PDS5B: variants seen among roughly 807,000 people sequenced by gnomAD.
PDS5B encodes sister chromatid cohesion protein PDS5 homolog B.
Under a neutral mutation model 184.1 loss-of-function variants are expected in PDS5B, and 51 were observed. That is an observed-to-expected ratio of 0.28 (90% CI 0.22 to 0.35). The LOEUF is 0.35. PDS5B is among the 10% of genes least tolerant of loss of function. The pLI is 1.00. For missense variants in PDS5B, 1,180 were observed against 1,723.3 expected, an observed-to-expected ratio of 0.68 and a Z score of 5.58; for synonymous variants, 566 against 569.2, an observed-to-expected ratio of 0.99 and a Z score of 0.08.
chr13:32,731,991 C>T, intron 19 of PDS5B, 110 bp from the exon 20 acceptor site: 2 of 872,902 alleles, frequency 2.3e-6, no homozygotes, highest in Admixed American at 3.2e-5. Context: ...ATCTTGGTGA[C>T]TTTTTCTGAC....
At chr13:32,675,781 TG>T in intron 8 of PDS5B, 62 bp from the exon 9 acceptor site, 1 of 887,174 alleles carries the variant, frequency 1.1e-6, no homozygotes, top group Non-Finnish European at 1.8e-6. Flanking sequence ...TGGCAAAGAA[TG>T]GGCAGCCTTA....
At chr13:32,736,507 C>G (rs754861682) in intron 21 of PDS5B, among the ~76,000 whole-genome samples, 1 of 151,904 alleles carries the variant, frequency 6.6e-6, no homozygotes, top group African/African-American at 2.4e-5. Context: ...CTCTGAAGGT[C>G]TTCTGTCTGT....
chr13:32,679,007 A>G (rs199860513), intron 10 of PDS5B, 78 bp downstream of exon 10: 4 of 611,488 alleles, frequency 6.5e-6, no homozygotes, highest in South Asian at 6.5e-5. Context: ...GGGAAAAAAA[A>G]CCCCTTTTTT....
At chr13:32,758,292 G>C in intron 27 of PDS5B, 73 bp downstream of exon 27, 1 of 1,227,212 alleles carries the variant, frequency 8.1e-7, no homozygotes, top group Non-Finnish European at 1.1e-6. Flanking sequence ...TGAAACTTCT[G>C]TAGTATTTAT....
intron 25 of PDS5B, among the ~76,000 whole-genome samples, chr13:32,754,346 C>T (rs1954095297): frequency 2.0e-5 from 3 of 152,100 alleles, no homozygotes; most frequent in African/African-American, 7.2e-5. Flanking sequence ...TTATAGTTTG[C>T]TCTCAGCCTG....
At chr13:32,712,613 T>C (rs1428914730) in intron 19 of PDS5B, among the ~76,000 whole-genome samples, 1 of 152,212 alleles carries the variant, frequency 6.6e-6, no homozygotes, top group African/African-American at 2.4e-5. Context: ...GATGTGCCCT[T>C]AAGACTCTAT....
intron 6 of PDS5B, among the ~76,000 whole-genome samples, chr13:32,661,698 T>C (rs1001898494): frequency 1.3e-4 from 19 of 150,642 alleles, no homozygotes; most frequent in African/African-American, 4.1e-4. Flanking sequence ...AAAAAAAAAA[T>C]AAAAAGAGGA....
At position 32,760,671 on chromosome 13, in the gene PDS5B, A is replaced by T; in HGVS notation, c.3469A>T (p.Asn1157Tyr). ...ATCATCACGAATGGAAACTGTAAGC[A>T]ATGCAAGCAGCAGCTCAAATCCAAG... ...TKSSRMETVS[N>Y]ASSSSNPSSP... Residue 1157 changes from asparagine to tyrosine, a missense_variant, in exon 30 of 35, where the codon AAT (asparagine) becomes TAT (tyrosine). Physicochemically the swap from Asn to Tyr is moderately radical, Grantham distance 143. Around this residue, in one of 11 missense-constraint regions of PDS5B, gnomAD observed 465 missense variants for 497.8 expected, o/e 0.93. Transcript: ENST00000315596. 5 of 1,614,114 alleles carry T rather than the reference A, an allele frequency of 3.1e-6. No individual in the cohort carries two copies. The highest frequency in any genetic ancestry group is 4.2e-6 in the Non-Finnish European group (5 of 1,179,974).
intron 24 of PDS5B, among the ~76,000 whole-genome samples, chr13:32,747,812 C>T (rs1419436843): frequency 6.6e-6 from 1 of 152,098 alleles, no homozygotes; most frequent in Non-Finnish European, 1.5e-5. Flanking sequence ...TTGCTGCTAT[C>T]ATTATTGAAG....
rs979639483 is a variant in PDS5B at position 32,725,741 on chromosome 13, A to G, written c.2124-6360A>G. On this transcript the variant is annotated intron_variant, in intron 19 of 34. Transcript: ENST00000315596. ...TTTTCCCTCATGGCACAGGATAACAACACTATAATATTACATAATAACTCA... is the reference window on the plus strand; with the variant it reads ...TTTTCCCTCATGGCACAGGATAACAGCACTATAATATTACATAATAACTCA... 3.3e-5 allele frequency among the ~76,000 whole-genome samples: 5 copies of G among 152,218 alleles called. No individual in the cohort carries two copies. In the East Asian group the frequency reaches 7.7e-4, roughly 23 times the overall value.
intron 1 of PDS5B, among the ~76,000 whole-genome samples, chr13:32,605,386 G>A (rs1281734160): frequency 6.6e-6 from 1 of 152,194 alleles, no homozygotes; most frequent in Non-Finnish European, 1.5e-5. Context: ...GTGGTTTTGA[G>A]TGAGTTTCTT....
At chr13:32,747,347 T>C (rs954650627) in intron 24 of PDS5B, among the ~76,000 whole-genome samples, 1 of 152,198 alleles carries the variant, frequency 6.6e-6, no homozygotes, top group Non-Finnish European at 1.5e-5. Context: ...CTAGTACATA[T>C]TTTTAAATTG....
chr13:32,633,869 A>G (rs771039359), intron 1 of PDS5B, among the ~76,000 whole-genome samples: 2 of 152,200 alleles, frequency 1.3e-5, no homozygotes, highest in Non-Finnish European at 2.9e-5. Flanking sequence ...ACAGTATGGT[A>G]CATTGGGTCC....
chr13:32,729,597 C>G (rs1436275664), intron 19 of PDS5B, among the ~76,000 whole-genome samples: 1 of 152,208 alleles, frequency 6.6e-6, no homozygotes, highest in Non-Finnish European at 1.5e-5. Context: ...TCCACATCCT[C>G]TCCAGCATCT....
At chr13:32,755,240 T>C (rs1954132793) in intron 25 of PDS5B, among the ~76,000 whole-genome samples, 1 of 152,196 alleles carries the variant, frequency 6.6e-6, no homozygotes, top group African/African-American at 2.4e-5. Context: ...ATTACCATTC[T>C]GACCTCTTTA....
At chr13:32,588,039 CAG>C (rs1160124304) in intron 1 of PDS5B, among the ~76,000 whole-genome samples, 1 of 152,174 alleles carries the variant, frequency 6.6e-6, no homozygotes, top group African/African-American at 2.4e-5. Context: ...AGTTCCCAGA[CAG>C]AACGTTTTTT....
intron 6 of PDS5B, among the ~76,000 whole-genome samples, chr13:32,666,516 A>T (rs537339892): frequency 6.6e-6 from 1 of 152,268 alleles, no homozygotes; most frequent in African/African-American, 2.4e-5. Context: ...TATGTCAGGT[A>T]CCTTGATTCG....
chr13:32,604,160 CGA>C (rs1303127590), intron 1 of PDS5B, among the ~76,000 whole-genome samples: 2 of 152,128 alleles, frequency 1.3e-5, no homozygotes, highest in African/African-American at 4.8e-5. Flanking sequence ...TGCCAGTTTT[CGA>C]AGAGAATGCT....
chr13:32,703,123 T>A (rs939703537), intron 17 of PDS5B, among the ~76,000 whole-genome samples: 1 of 152,154 alleles, frequency 6.6e-6, no homozygotes, highest in South Asian at 2.1e-4. Context: ...GAGGTTGTGC[T>A]TCCTACTTGT....
Sources: allele counts gnomAD v4.1 joint callset (sites outside exome capture counted in the v4.1 genomes callset), GRCh38; gene constraint gnomAD v4.1.1; regional missense constraint gnomAD v4.1.1; transcripts MANE v1.5; gene names NCBI Gene and HGNC (gene_info 2026-07-23, HGNC 2026-07-21).